The following SAE1 variants were observed in gnomAD, a reference collection of about 807,000 sequenced individuals.
The protein encoded by SAE1 is SUMO-activating enzyme subunit 1.
A neutral mutation model predicts 40.6 loss-of-function variants in SAE1; 11 were observed. The observed-to-expected ratio is 0.27, with a 90% CI of 0.17 to 0.45. The LOEUF is 0.45. SAE1 is among the 20% of genes least tolerant of loss of function. SAE1 has a pLI of 1.00. For missense variants in SAE1, 373 were observed against 427.3 expected, an observed-to-expected ratio of 0.87 and a Z score of 1.12; for synonymous variants, 155 against 154.3, an observed-to-expected ratio of 1.00 and a Z score of -0.03.
chr19:47,148,693 C>T (rs2058268970), intron 2 of SAE1, among the ~76,000 whole-genome samples: 1 of 151,200 alleles, frequency 6.6e-6, no homozygotes, highest in Non-Finnish European at 1.5e-5. Context: ...GGGCTCAATG[C>T]AGCGTCTGCC....
chr19:47,186,653 C>T (rs752653336), intron 6 of SAE1, among the ~76,000 whole-genome samples: 6 of 152,124 alleles, frequency 3.9e-5, no homozygotes, highest in Non-Finnish European at 5.9e-5. Flanking sequence ...TCCCCATCAA[C>T]AACTTTCATC....
intron 2 of SAE1, 93 bp from the exon 3 acceptor site, chr19:47,150,109 T>G (rs1600159030): frequency 3.6e-6 from 3 of 835,556 alleles, no homozygotes; most frequent in Admixed American, 3.5e-5. Flanking sequence ...AGGTGGTAGG[T>G]ATTTTAGCTA....
At chr19:47,148,726 T>C (rs1385578320) in intron 2 of SAE1, among the ~76,000 whole-genome samples, 4 of 151,616 alleles carry the variant, frequency 2.6e-5, no homozygotes, top group Non-Finnish European at 4.4e-5. Flanking sequence ...GCGATTCTCC[T>C]GCCTCAGCCT....
rs182246023 is a variant in SAE1, at chr19:47,174,897, C to T, written c.733+4974C>T. ...CACATTTTTGTATTTTTAGTAGAGA[C>T]GGGGTTTCACCATGTTGGCCAGGCT... On this transcript the variant is annotated intron_variant, in intron 6 of 8. Coordinates refer to ENST00000270225, the MANE Select transcript of SAE1 (RefSeq NM_005500.3). 7.1e-3 allele frequency among the ~76,000 whole-genome samples: 1,080 copies of T among 151,530 alleles called. 10 individuals carry two copies. The highest frequency in any genetic ancestry group is 0.025 in the African/African-American group (1,040 of 41,310).
At position 47,200,223 on chromosome 19, in the gene SAE1, A is replaced by G. The variant is rs139928270; in HGVS notation, c.878+2846A>G. 4.7e-3 allele frequency among the ~76,000 whole-genome samples: 679 copies of G among 144,350 alleles called. 2 individuals are homozygous for G. Among genetic ancestry groups the G allele is most frequent in the Non-Finnish European group, 8.1e-3 (538 of 66,290 alleles). The allele number at this position is 144,350 out of a possible 152,430, so 94.7% of individuals were successfully genotyped here. A position where few individuals can be genotyped will look rare whatever the true frequency, so the allele number is the denominator to read the frequency against. On this transcript the variant is annotated intron_variant, in intron 7 of 8. Coordinates refer to ENST00000270225, the MANE Select transcript of SAE1 (RefSeq NM_005500.3). ...GTTGGGATTACAAGTGTGAGCCACCACGCCCAGCCTCTTTTTTTTTTTTTT... is the reference window on the plus strand; with the variant it reads ...GTTGGGATTACAAGTGTGAGCCACCGCGCCCAGCCTCTTTTTTTTTTTTTT...
At chr19:47,179,010 G>A (rs1018340245) in intron 6 of SAE1, among the ~76,000 whole-genome samples, 10 of 151,568 alleles carry the variant, frequency 6.6e-5, no homozygotes, top group Admixed American at 3.3e-4. Flanking sequence ...TGGCTGACAC[G>A]GTGAAACCTC....
chr19:47,198,998 G>A (rs549989809), intron 7 of SAE1, among the ~76,000 whole-genome samples: 24 of 152,294 alleles, frequency 1.6e-4, no homozygotes, highest in East Asian at 1.5e-3. Context: ...TGAGGCTAGA[G>A]CATCGCTTGA....
intron 4 of SAE1, among the ~76,000 whole-genome samples, chr19:47,154,529 C>G (rs985570468): frequency 9.7e-6 from 1 of 102,610 alleles, no homozygotes; most frequent in African/African-American, 3.8e-5. Context: ...GACTTTCACT[C>G]AGTTGCCCAG....
At chr19:47,132,621 C>G (rs1227263604) in intron 1 of SAE1, among the ~76,000 whole-genome samples, 3 of 151,926 alleles carry the variant, frequency 2.0e-5, no homozygotes, top group African/African-American at 4.8e-5. Context: ...GTGACTCACA[C>G]CTGTAATCCC....
intron 6 of SAE1, among the ~76,000 whole-genome samples, chr19:47,184,644 C>T (rs574480263): frequency 9.3e-4 from 142 of 152,130 alleles, no homozygotes; most frequent in African/African-American, 3.3e-3. Flanking sequence ...CTCCTGACCT[C>T]AGGTGATCCA....
intron 6 of SAE1, among the ~76,000 whole-genome samples, chr19:47,178,599 A>T (rs1055964318): frequency 3.3e-5 from 5 of 152,104 alleles, no homozygotes; most frequent in African/African-American, 1.2e-4. Flanking sequence ...TCAGCCTCCA[A>T]GTAGTGGGGA....
chr19:47,142,866 A>G (rs894952433), intron 1 of SAE1, among the ~76,000 whole-genome samples: 2 of 152,120 alleles, frequency 1.3e-5, no homozygotes, highest in Non-Finnish European at 2.9e-5. Flanking sequence ...GATTCTTGTC[A>G]CACTTGATTT....
rs562076791 is a variant in SAE1 at position 47,208,063 on chromosome 19, A to G, written c.949-1096A>G. On this transcript the variant is annotated intron_variant, in intron 8 of 8. Coordinates refer to ENST00000270225, the MANE Select transcript of SAE1 (RefSeq NM_005500.3). ...CCCCCTGTGGAAGCCTAGCGACTCT[A>G]TGTCCTCATGGAATAGCCCCCGCTT... is the stretch of plus-strand genomic sequence containing the variant. Among the ~76,000 whole-genome samples the G allele has an allele frequency of 5.3e-5, 8 of 152,200 alleles. No homozygotes were observed. In the South Asian group the frequency reaches 1.2e-3, roughly 24 times the overall value.
Position 47,209,646 on chromosome 19 carries a change from C to G in SAE1, c.*395C>G, listed in dbSNP as rs1403072557. The stretch of plus-strand genomic sequence containing the variant: ...TCTGTTGCTCGGGAGCCTCTTGTCA[C>G]CTTCTTGGACTTATTCCCCACCTGA... On this transcript the variant is annotated 3_prime_UTR_variant, in exon 9 of 9. Coordinates refer to ENST00000270225, the MANE Select transcript of SAE1 (RefSeq NM_005500.3). The G allele has an allele frequency of 8.1e-6, 2 of 245,824 alleles. No homozygotes were observed. Among genetic ancestry groups the G allele is most frequent in the Non-Finnish European group, 1.6e-5 (2 of 128,292 alleles). 15.2% of individuals were successfully genotyped at this position (245,824 alleles called of 1,614,324 possible). A position where few individuals can be genotyped will look rare whatever the true frequency, so the allele number is the denominator to read the frequency against.
chr19:47,207,413 C>T (rs751326109), intron 8 of SAE1, among the ~76,000 whole-genome samples: 66 of 152,086 alleles, frequency 4.3e-4, no homozygotes, highest in Non-Finnish European at 7.6e-4. Flanking sequence ...AATGATGGGA[C>T]GGTGCTCCTG....
intron 1 of SAE1, among the ~76,000 whole-genome samples, 160 bp from the exon 2 acceptor site, chr19:47,143,334 A>G (rs2058233848): frequency 6.6e-6 from 1 of 151,920 alleles, no homozygotes; most frequent in Admixed American, 6.6e-5. Flanking sequence ...CGAACTCCTG[A>G]CCTCAAGTGA....
intron 7 of SAE1, among the ~76,000 whole-genome samples, chr19:47,201,603 C>T (rs1468060830): frequency 4.0e-5 from 6 of 151,136 alleles, no homozygotes; most frequent in Admixed American, 2.0e-4. Flanking sequence ...TCCTCCAATA[C>T]GGCCAAAATG....
intron 2 of SAE1, among the ~76,000 whole-genome samples, chr19:47,148,663 G>A (rs1254822015): frequency 6.7e-6 from 1 of 149,604 alleles, no homozygotes; most frequent in Non-Finnish European, 1.5e-5. Flanking sequence ...TGCCCAGGCT[G>A]GAGTGCAGTG....
At chr19:47,206,619 G>A (rs1024984855) in intron 8 of SAE1, among the ~76,000 whole-genome samples, 1 of 152,186 alleles carries the variant, frequency 6.6e-6, no homozygotes, top group African/African-American at 2.4e-5. Flanking sequence ...TAAGAGAGGT[G>A]ATAGTGAAAG....
Sources: allele counts gnomAD v4.1 joint callset (sites outside exome capture counted in the v4.1 genomes callset), GRCh38; gene constraint gnomAD v4.1.1; transcripts MANE v1.5; gene names NCBI Gene and HGNC (gene_info 2026-07-23, HGNC 2026-07-21).